CADM2: variants seen among roughly 807,000 people sequenced by gnomAD.
CADM2 encodes immunoglobulin superfamily member 4D.
CADM2 carries 12 observed loss-of-function variants against 49.8 expected under a neutral mutation model. That is an observed-to-expected ratio of 0.24 (90% CI 0.15 to 0.39). The LOEUF (loss-of-function observed/expected upper bound fraction) is 0.39. Ranked by LOEUF, CADM2 falls within the 10% of genes least tolerant of loss-of-function variation. The pLI is 1.00. For missense variants in CADM2, 378 were observed against 492.3 expected, an observed-to-expected ratio of 0.77 and a Z score of 2.20; for synonymous variants, 214 against 175.4, an observed-to-expected ratio of 1.22 and a Z score of -1.74.
intron 1 of CADM2, among the ~76,000 whole-genome samples, chr3:85,626,001 C>T (rs916447280): frequency 2.0e-5 from 3 of 151,836 alleles, no homozygotes; most frequent in East Asian, 1.9e-4. Flanking sequence ...ATTTTAAAAT[C>T]GTAAGGCAAG....
intron 1 of CADM2, among the ~76,000 whole-genome samples, chr3:85,653,882 A>C (rs928910058): frequency 1.2e-4 from 18 of 152,356 alleles, no homozygotes; most frequent in African/African-American, 4.3e-4. Context: ...AAGGGCAACC[A>C]GTAACTTAGA....
At chr3:85,753,260 A>G (rs1394661278) in intron 2 of CADM2, among the ~76,000 whole-genome samples, 1 of 152,126 alleles carries the variant, frequency 6.6e-6, no homozygotes, top group Admixed American at 6.6e-5. Context: ...CCTGGCTTTG[A>G]TGAAGCAAGA....
chr3:85,907,732 G>A (rs964378349), intron 5 of CADM2, among the ~76,000 whole-genome samples: 3 of 152,144 alleles, frequency 2.0e-5, no homozygotes, highest in Admixed American at 6.5e-5. Flanking sequence ...CCAAAGTGGC[G>A]AAACTCCGTC....
In CADM2 at chr3:85,003,898, T is replaced by C. The variant is rs1576012174; in HGVS notation, c.61+44230T>C. On this transcript the variant is annotated intron_variant, in intron 1 of 9. Coordinates refer to ENST00000383699, the MANE Select transcript of CADM2 (RefSeq NM_001167675.2). Reference sequence around the variant, plus strand: ...GCCTCTGTATGTGTGTCTTCTCATCTGTAAAATGTTGATAAGAAGCTAATT... The same window carrying C: ...GCCTCTGTATGTGTGTCTTCTCATCCGTAAAATGTTGATAAGAAGCTAATT... Among the ~76,000 whole-genome samples the C allele has an allele frequency of 3.3e-5, 5 of 152,150 alleles. No individual in the cohort carries two copies. The East Asian group carries it at 9.6e-4, about 29-fold the overall frequency.
intron 4 of CADM2, among the ~76,000 whole-genome samples, chr3:85,885,321 G>T (rs1462778179): frequency 6.7e-6 from 1 of 148,632 alleles, no homozygotes; most frequent in Non-Finnish European, 1.5e-5. Context: ...TGGATCACTT[G>T]AGGTCAGGAG....
At chr3:85,354,488 A>G (rs771199304) in intron 1 of CADM2, among the ~76,000 whole-genome samples, 5 of 151,844 alleles carry the variant, frequency 3.3e-5, no homozygotes, top group Admixed American at 1.3e-4. Flanking sequence ...ATGTACCCTA[A>G]AACTTAAAGT....
At chr3:85,899,422 CT>C (rs538486071) in intron 5 of CADM2, among the ~76,000 whole-genome samples, 83 of 152,068 alleles carry the variant, frequency 5.5e-4, no homozygotes, top group African/African-American at 1.9e-3. Flanking sequence ...TTTTTAATGC[CT>C]TTGTTATTAC....
intron 1 of CADM2, among the ~76,000 whole-genome samples, chr3:85,038,589 T>C (rs1042888009): frequency 1.3e-5 from 2 of 152,216 alleles, no homozygotes; most frequent in African/African-American, 4.8e-5. Context: ...GAAAGGACCA[T>C]GATTAGGAGC....
chr3:85,172,778 T>C (rs969053623), intron 1 of CADM2, among the ~76,000 whole-genome samples: 1 of 150,578 alleles, frequency 6.6e-6, no homozygotes, highest in South Asian at 2.1e-4. Context: ...TTGGTGGCTC[T>C]GCGCATATGG....
chr3:85,345,135 C>A (rs937456626), intron 1 of CADM2, among the ~76,000 whole-genome samples: 1 of 151,440 alleles, frequency 6.6e-6, no homozygotes, highest in African/African-American at 2.4e-5. Flanking sequence ...GGACAACCTG[C>A]AAAGTCTTGT....
intron 8 of CADM2, among the ~76,000 whole-genome samples, chr3:86,061,860 T>C (rs190401841): frequency 2.0e-5 from 3 of 152,268 alleles, no homozygotes; most frequent in Admixed American, 1.3e-4. Flanking sequence ...TAACCTGTAA[T>C]TTCATTAATC....
intron 3 of CADM2, among the ~76,000 whole-genome samples, chr3:85,868,245 A>G (rs974158321): frequency 1.3e-5 from 2 of 152,042 alleles, no homozygotes; most frequent in African/African-American, 2.4e-5. Flanking sequence ...TCTATTTTCA[A>G]TTAAAGTTGT....
At chr3:85,752,847 A>C (rs185036435) in intron 2 of CADM2, among the ~76,000 whole-genome samples, 4 of 152,312 alleles carry the variant, frequency 2.6e-5, no homozygotes, top group African/African-American at 7.2e-5. Flanking sequence ...GATGCTGAAT[A>C]TAAATGACAA....
Position 85,336,427 on chromosome 3 carries a change from A to G in CADM2, c.61+376759A>G, listed in dbSNP as rs542494500. On this transcript the variant is annotated intron_variant, in intron 1 of 9. Transcript: ENST00000383699. ...AGAGAAGTTATTTGTGTAATAATTTATATTTCAGACCATAAAATCAAATTG... is the reference window on the plus strand; with the variant it reads ...AGAGAAGTTATTTGTGTAATAATTTGTATTTCAGACCATAAAATCAAATTG... 4.0e-5 allele frequency among the ~76,000 whole-genome samples: 6 copies of G among 151,690 alleles called. No individual in the cohort carries two copies. The South Asian group carries it at 1.2e-3, about 31-fold the overall frequency.
chr3:85,983,962 T>C (rs1216467560), intron 8 of CADM2, among the ~76,000 whole-genome samples: 1 of 150,704 alleles, frequency 6.6e-6, no homozygotes, highest in East Asian at 1.9e-4. Flanking sequence ...TACAGTGGCC[T>C]AACCAACCTT....
intron 3 of CADM2, among the ~76,000 whole-genome samples, chr3:85,839,969 T>C (rs1047191911): frequency 3.9e-5 from 6 of 152,008 alleles, no homozygotes; most frequent in Middle Eastern, 3.4e-3. Context: ...ACATGTTCAT[T>C]AACGAGAATA....
At chr3:85,249,933 A>C (rs1038517756) in intron 1 of CADM2, among the ~76,000 whole-genome samples, 1 of 151,854 alleles carries the variant, frequency 6.6e-6, no homozygotes, top group South Asian at 2.1e-4. Context: ...GATAATTGTT[A>C]AATTTCTAAT....
intron 1 of CADM2, among the ~76,000 whole-genome samples, chr3:85,571,469 CTGTG>C (rs1487221771): frequency 2.6e-5 from 4 of 151,302 alleles, no homozygotes; most frequent in Non-Finnish European, 5.9e-5. Context: ...AGCTGTGTGT[CTGTG>C]TGCACACGCA....
chr3:85,859,904 G>T (rs2075458755), intron 3 of CADM2, among the ~76,000 whole-genome samples: 1 of 152,036 alleles, frequency 6.6e-6, no homozygotes, highest in Non-Finnish European at 1.5e-5. Flanking sequence ...TATATTAATT[G>T]TTTCTATTCC....
Sources: gnomAD v4.1 joint callset for allele counts (sites outside exome capture counted in the v4.1 genomes callset) on GRCh38, gnomAD v4.1.1 for gene constraint, MANE v1.5 for transcripts, NCBI Gene and HGNC (gene_info 2026-07-23, HGNC 2026-07-21) for gene names.